The following AK8 variants were observed in gnomAD, a reference collection of about 807,000 sequenced individuals.
The protein encoded by AK8 is ATP-AMP transphosphorylase 8.
Under a neutral mutation model 54.6 loss-of-function variants are expected in AK8, and 44 were observed. The observed-to-expected ratio is 0.81, with a 90% CI of 0.63 to 1.04. The LOEUF (loss-of-function observed/expected upper bound fraction) is 1.04, where lower values mean the gene tolerates loss of function less well. Ranked by LOEUF, AK8 falls within the 50% of genes least tolerant of loss-of-function variation. AK8 has a pLI of 0.00. For missense variants in AK8, 555 were observed against 613.6 expected (o/e 0.90, Z 1.01); for synonymous variants, 239 against 245.6 (o/e 0.97, Z 0.25).
intron 10 of AK8, among the ~76,000 whole-genome samples, chr9:132,796,770 TACACACACAC>T (rs10590924): frequency 0.045 from 6,421 of 142,360 alleles, 207 homozygotes; most frequent in South Asian, 0.094. Context: ...ACATACATGC[TACACACACAC>T]ACACACACAC....
chr9:132,804,617 G>A (rs146208674), intron 10 of AK8, among the ~76,000 whole-genome samples: 1 of 152,166 alleles, frequency 6.6e-6, no homozygotes, highest in Non-Finnish European at 1.5e-5. Flanking sequence ...CTCTTCCCTC[G>A]CCTCTCCCCC....
intron 8 of AK8, among the ~76,000 whole-genome samples, chr9:132,823,939 G>C (rs1216231408): frequency 2.0e-5 from 3 of 152,234 alleles, no homozygotes; most frequent in Non-Finnish European, 4.4e-5. Context: ...ACTCTCCAAA[G>C]AGGTAGTGAT....
At chr9:132,828,957 G>C (rs1442709442) in intron 5 of AK8, among the ~76,000 whole-genome samples, 1 of 150,198 alleles carries the variant, frequency 6.7e-6, no homozygotes, top group Non-Finnish European at 1.5e-5. Flanking sequence ...TTTACATCTT[G>C]ATTTTTTTTT....
At chr9:132,802,653 C>T (rs2131207234) in intron 10 of AK8, among the ~76,000 whole-genome samples, 1 of 152,316 alleles carries the variant, frequency 6.6e-6, no homozygotes, top group South Asian at 2.1e-4. Context: ...CCGTCTTGGA[C>T]ACACTATCCC....
In AK8 at chr9:132,828,085, C is replaced by T. The variant is rs765221586; in HGVS notation, c.485-1G>A. The T allele has an allele frequency of 6.4e-7, 1 of 1,568,538 alleles. No homozygotes were observed. Among genetic ancestry groups the T allele is most frequent in the Non-Finnish European group, 8.7e-7 (1 of 1,155,494 alleles). Reference sequence around the variant, plus strand: ...ACCGTGTCTGGAGCACTCAGCACAACTGGGCAGAGAAGAAAAGGAGCAAAA... The same window carrying T: ...ACCGTGTCTGGAGCACTCAGCACAATTGGGCAGAGAAGAAAAGGAGCAAAA... On this transcript the variant is annotated splice_acceptor_variant, in intron 6 of 12. Coordinates refer to ENST00000298545, the MANE Select transcript of AK8 (RefSeq NM_152572.3). LOFTEE classifies it high-confidence loss of function.
intron 5 of AK8, among the ~76,000 whole-genome samples, chr9:132,840,822 G>A (rs1282848779): frequency 6.6e-6 from 1 of 152,168 alleles, no homozygotes; most frequent in Non-Finnish European, 1.5e-5. Context: ...GAACCCAGGA[G>A]GCGGAGGTTG....
Position 132,823,301 on chromosome 9 carries a change from C to A in AK8, c.793G>T (p.Ala265Ser). ...TYVQSNHRTN[A>S]PFTPRVLLLG... is the part of the protein sequence containing the mutation. ...AGCAGCACCCTCGGGGTGAACGGGG[C>A]ATTAGTACGATGGTTGCTTTGGACA... The change falls in exon 9 of 13, where the codon GCC (alanine) becomes TCC (serine). Residue 265 changes from alanine (A) to serine (S), a missense_variant. Ala to Ser is a moderately conservative substitution (Grantham distance 99). Coordinates refer to ENST00000298545, the MANE Select transcript of AK8 (RefSeq NM_152572.3). 1.2e-6 allele frequency: 2 copies of A among 1,613,808 alleles called. No homozygotes were observed. The highest frequency in any genetic ancestry group is 2.7e-5 in the African/African-American group (2 of 75,000).
At chr9:132,840,143 A>G (rs559447215) in intron 5 of AK8, among the ~76,000 whole-genome samples, 2 of 152,174 alleles carry the variant, frequency 1.3e-5, no homozygotes, top group African/African-American at 4.8e-5. Flanking sequence ...AGGTAGTACT[A>G]TGGCTCTCAA....
intron 1 of AK8, chr9:132,877,747 C>T (rs1156801747): frequency 2.3e-6 from 1 of 435,024 alleles, no homozygotes; most frequent in East Asian, 6.9e-5. Context: ...ACAATGCCCA[C>T]CTCAGAAACC....
At chr9:132,807,569 T>C (rs1433121559) in intron 10 of AK8, among the ~76,000 whole-genome samples, 1 of 152,204 alleles carries the variant, frequency 6.6e-6, no homozygotes, top group Non-Finnish European at 1.5e-5. Flanking sequence ...CCAAGCCTTC[T>C]GGCTGAAGAG....
Position 132,824,270 on chromosome 9 carries a change from G to A in AK8, c.758-934C>T, listed in dbSNP as rs542837479. On this transcript the variant is annotated intron_variant, in intron 8 of 12. Transcript: ENST00000298545. Reference sequence around the variant, plus strand: ...GACCTGTGCCAGCCCCCACCCCAGCGTTCAAAACAGGGCATCCTTCCCCAG... The same window carrying A: ...GACCTGTGCCAGCCCCCACCCCAGCATTCAAAACAGGGCATCCTTCCCCAG... Among the ~76,000 whole-genome samples the A allele has an allele frequency of 9.2e-5, 14 of 152,320 alleles. No homozygotes were observed. The East Asian group carries it at 9.6e-4, about 10-fold the overall frequency.
chr9:132,837,125 C>A lies in AK8; in HGVS notation c.403-8399G>T, dbSNP rs1412530994. 1.3e-5 allele frequency among the ~76,000 whole-genome samples: 2 copies of A among 152,118 alleles called. No individual in the cohort carries two copies. Among genetic ancestry groups the A allele is most frequent in the Non-Finnish European group, 2.9e-5 (2 of 68,020 alleles). ...CATGAGGTCAAGAGATCGAGACCAT[C>A]CTGGCCAACGTGGTGAAACCCCATC... On this transcript the variant is annotated intron_variant, in intron 5 of 12. Coordinates refer to ENST00000298545, the MANE Select transcript of AK8 (RefSeq NM_152572.3). This position sits in a 1 kb window ranked among gnomAD's most constrained non-coding sequence, Gnocchi z 4.3.
chr9:132,848,317 C>T (rs1842839030), intron 5 of AK8, among the ~76,000 whole-genome samples: 1 of 152,040 alleles, frequency 6.6e-6, no homozygotes, highest in African/African-American at 2.4e-5. Flanking sequence ...GCCATCTTTC[C>T]CTCCCCTTTA....
In AK8 at chr9:132,860,619, G is replaced by T. The variant is rs1843348079; in HGVS notation, c.333+3046C>A. On this transcript the variant is annotated intron_variant, in intron 4 of 12. Coordinates refer to ENST00000298545, the MANE Select transcript of AK8 (RefSeq NM_152572.3). This position sits in a 1 kb window ranked among gnomAD's most constrained non-coding sequence, Gnocchi z 4.4. ...GGAGCATGTTTGGCTTTCTCTGGCT[G>T]GTCTCAGGTTGGAAGCAGGAACAAA... Among the ~76,000 whole-genome samples, 1 of 152,310 alleles carries T rather than the reference G, an allele frequency of 6.6e-6. No homozygotes were observed. Among genetic ancestry groups the T allele is most frequent in the South Asian group, 2.1e-4 (1 of 4,828 alleles).
intron 5 of AK8, 30 bp from the exon 6 acceptor site, chr9:132,828,756 C>T: frequency 6.4e-7 from 1 of 1,552,698 alleles, no homozygotes; most frequent in Non-Finnish European, 8.8e-7. Context: ...AGGTGCTCAT[C>T]TGTTTTGAGT....
intron 11 of AK8, among the ~76,000 whole-genome samples, chr9:132,772,150 C>T: frequency 6.6e-6 from 1 of 152,144 alleles, no homozygotes; most frequent in African/African-American, 2.4e-5. Flanking sequence ...AACCATATCA[C>T]CCCAGAATGC....
chr9:132,861,935 C>A (rs1843406289), intron 4 of AK8, among the ~76,000 whole-genome samples: 1 of 152,272 alleles, frequency 6.6e-6, no homozygotes, highest in East Asian at 1.9e-4. Flanking sequence ...ACAAGACACC[C>A]TTGAAAGCAC....
At chr9:132,843,292 C>T (rs1265247880) in intron 5 of AK8, among the ~76,000 whole-genome samples, 2 of 152,060 alleles carry the variant, frequency 1.3e-5, no homozygotes, top group Admixed American at 1.3e-4. Context: ...CTCCCCCTCC[C>T]ACTGTCTCTC....
intron 11 of AK8, among the ~76,000 whole-genome samples, chr9:132,763,878 A>C (rs1422178417): frequency 1.3e-5 from 2 of 152,274 alleles, no homozygotes; most frequent in Non-Finnish European, 2.9e-5. Flanking sequence ...TTAAAAGGGA[A>C]GTTTATAGTG....
Sources: allele counts gnomAD v4.1 joint callset (sites outside exome capture counted in the v4.1 genomes callset), GRCh38; gene constraint gnomAD v4.1.1; non-coding constraint Gnocchi (gnomAD v3.1); transcripts MANE v1.5; gene names NCBI Gene and HGNC (gene_info 2026-07-23, HGNC 2026-07-21).